The following DGAT2 variants were observed in gnomAD, a reference collection of about 807,000 sequenced individuals.
DGAT2 encodes acyl-CoA retinol O-fatty-acyltransferase.
Under a neutral mutation model 48.4 loss-of-function variants are expected in DGAT2, and 33 were observed. The observed-to-expected ratio is 0.68, with a 90% confidence interval of 0.52 to 0.91. The LOEUF (loss-of-function observed/expected upper bound fraction) is 0.91. Among genes scored for constraint, DGAT2 ranks in the 40% least tolerant of loss-of-function variants. DGAT2 has a pLI of 0.00. For synonymous variants in DGAT2, 191 were observed against 194.1 expected, an observed-to-expected ratio of 0.98 and a Z score of 0.13; for missense variants, 446 against 493.7, an observed-to-expected ratio of 0.90 and a Z score of 0.92.
In DGAT2 at chr11:75,800,985, C is replaced by T. The variant is rs767153367; in HGVS notation, c.*477C>T. On this transcript the variant is annotated 3_prime_UTR_variant, in exon 8 of 8. Transcript: ENST00000228027. ...GAGGAGTTGGAGAGCACAGTTGCCC[C>T]GTTGTGTGAGGGCAGTAGTAGGCAT... is the stretch of plus-strand genomic sequence containing the variant. The T allele has an allele frequency of 5.4e-5, 9 of 166,002 alleles. No homozygotes were observed. The highest frequency in any genetic ancestry group is 1.2e-4 in the Admixed American group (2 of 16,350). The allele number at this position is 166,002 out of a possible 1,614,324, so 10.3% of individuals were successfully genotyped here.
chr11:75,789,635 G>C (rs771033185), intron 2 of DGAT2, among the ~76,000 whole-genome samples: 7 of 152,234 alleles, frequency 4.6e-5, no homozygotes, highest in Non-Finnish European at 1.0e-4. Context: ...GGACTGTAGA[G>C]TCAGACCTGT....
chr11:75,781,942 CTT>C (rs1257270180), intron 1 of DGAT2, among the ~76,000 whole-genome samples: 1 of 152,156 alleles, frequency 6.6e-6, no homozygotes, highest in Non-Finnish European at 1.5e-5. Context: ...ATTTTTAGGT[CTT>C]CTCAGTTGTT....
intron 1 of DGAT2, among the ~76,000 whole-genome samples, chr11:75,772,891 G>A (rs2135756837): frequency 6.6e-6 from 1 of 152,326 alleles, no homozygotes; most frequent in South Asian, 2.1e-4. Flanking sequence ...TTGGGAGGCT[G>A]AGGCAGGATA....
Position 75,798,218 on chromosome 11 carries a change from C to A in DGAT2, c.810-9C>A, listed in dbSNP as rs1945076314. 6.2e-7 allele frequency: 1 copy of A among 1,614,050 alleles called. No homozygotes were observed. Among genetic ancestry groups the A allele is most frequent in the South Asian group, 1.1e-5 (1 of 91,070 alleles). On this transcript the variant is annotated splice_polypyrimidine_tract_variant and intron_variant, in intron 6 of 7. Transcript: ENST00000228027. ...TAGGGTATGACAGACCCTGGCCTCT[C>A]CCTTCCAGAGCTGACCTGGTTCCCA...
intron 4 of DGAT2, chr11:75,795,884 A>G: frequency 5.9e-6 from 1 of 168,476 alleles, no homozygotes; most frequent in South Asian, 1.5e-4. Context: ...CTTGCAGCCA[A>G]GGCCCCGGTT....
chr11:75,779,470 C>A (rs540927686), intron 1 of DGAT2, among the ~76,000 whole-genome samples: 1 of 152,224 alleles, frequency 6.6e-6, no homozygotes, highest in East Asian at 1.9e-4. Flanking sequence ...CAGTTTCCTT[C>A]TCTGTGAAAC....
At chr11:75,786,935 A>G (rs1475228955) in intron 2 of DGAT2, among the ~76,000 whole-genome samples, 2 of 152,262 alleles carry the variant, frequency 1.3e-5, no homozygotes, top group African/African-American at 2.4e-5. Flanking sequence ...ATAATAAAAT[A>G]TAAATATCTA....
chr11:75,791,478 G>A (rs1244694416), intron 4 of DGAT2, among the ~76,000 whole-genome samples: 2 of 152,178 alleles, frequency 1.3e-5, no homozygotes, highest in Non-Finnish European at 2.9e-5. Context: ...TTTTTGTTGG[G>A]AGAAAGTTGC....
Position 75,797,270 on chromosome 11 carries a change from T to C in DGAT2, c.747T>C (p.Pro249=). 1 of 1,576,302 alleles carries C rather than the reference T, an allele frequency of 6.3e-7. No homozygotes were observed. The highest frequency in any genetic ancestry group is 8.6e-7 in the Non-Finnish European group (1 of 1,161,494). ...GGAAESLSSM[P]GKNAVTLRNR... ...CGGCTGAGTCTCTGAGCTCCATGCC[T>C]GGCAAGAATGCAGTCACCCTGCGGA... Residue 249 remains proline, a synonymous_variant, in exon 6 of 8, where the codon CCT becomes CCC. Transcript: ENST00000228027.
rs556617929 is a variant in DGAT2 at position 75,796,268 on chromosome 11, G to A, written c.430-60G>A. 46 of 1,478,914 alleles carry A rather than the reference G, an allele frequency of 3.1e-5. 2 individuals carry two copies. The South Asian group carries it at 4.1e-4, about 13-fold the overall frequency. 91.6% of individuals were successfully genotyped at this position (1,478,914 alleles called of 1,614,324 possible). ...CACATCCAATCCCTCCCTACCCTCC[G>A]GGTATGCCCCGGTATCCCTCTCCCA... On this transcript the variant is annotated intron_variant, in intron 4 of 7. Coordinates refer to ENST00000228027, the MANE Select transcript of DGAT2 (RefSeq NM_032564.5).
chr11:75,783,066 C>T (rs945279729), intron 1 of DGAT2, among the ~76,000 whole-genome samples: 4 of 152,206 alleles, frequency 2.6e-5, no homozygotes, highest in Admixed American at 2.6e-4. Flanking sequence ...TCTGGAATGG[C>T]TCTATGGCCC....
At chr11:75,797,014 C>T (rs1292950320) in intron 5 of DGAT2, 144 bp from the exon 6 acceptor site, 2 of 750,234 alleles carry the variant, frequency 2.7e-6, no homozygotes, top group African/African-American at 1.8e-5. Flanking sequence ...GAATAGCTTA[C>T]ACAGAACCAG....
intron 4 of DGAT2, among the ~76,000 whole-genome samples, chr11:75,791,370 C>G (rs1348084017): frequency 2.0e-5 from 3 of 152,226 alleles, no homozygotes; most frequent in Non-Finnish European, 4.4e-5. Context: ...CATCCTTAGC[C>G]TAAGCCCAGT....
intron 4 of DGAT2, chr11:75,792,575 C>T (rs1356008492): frequency 6.6e-6 from 1 of 152,182 alleles, no homozygotes; most frequent in African/African-American, 2.4e-5. Flanking sequence ...TACTCCCTTC[C>T]TGGTGGGACT....
rs1385361635 is a variant in DGAT2 at position 75,801,498 on chromosome 11, G to A, written c.*990G>A. 6.6e-6 allele frequency: 1 copy of A among 152,628 alleles called. No individual in the cohort carries two copies. The highest frequency in any genetic ancestry group is 1.5e-5 in the Non-Finnish European group (1 of 68,042). The allele number at this position is 152,628 out of a possible 1,614,324, so 9.5% of individuals were successfully genotyped here. ...GATCATTGCACCATGTCAGACTTTT[G>A]TATATGCCTTGAAAATAAATGAAAG... On this transcript the variant is annotated 3_prime_UTR_variant, in exon 8 of 8. Transcript: ENST00000228027.
At chr11:75,785,004 G>C (rs1944907060) in intron 2 of DGAT2, among the ~76,000 whole-genome samples, 2 of 152,142 alleles carry the variant, frequency 1.3e-5, no homozygotes, top group Non-Finnish European at 2.9e-5. Flanking sequence ...TCAAGTCTTA[G>C]AGAAGATAGG....
intron 4 of DGAT2, chr11:75,795,925 A>C (rs1229512124): frequency 5.6e-6 from 1 of 179,270 alleles, no homozygotes; most frequent in East Asian, 1.5e-4. Flanking sequence ...CTTTACTCAC[A>C]TGAAGCCAGA....
intron 2 of DGAT2, among the ~76,000 whole-genome samples, chr11:75,785,534 G>T (rs61898006): frequency 6.6e-6 from 1 of 152,272 alleles, no homozygotes; most frequent in Admixed American, 6.5e-5. Flanking sequence ...CAGGCCAGGG[G>T]CAGGACAACA....
intron 4 of DGAT2, chr11:75,795,212 T>G (rs1945037811): frequency 1.3e-5 from 2 of 152,104 alleles, no homozygotes; most frequent in South Asian, 2.1e-4. Context: ...TTTGTAGAGA[T>G]AAGCGTTTCA....
Sources: allele counts gnomAD v4.1 joint callset (sites outside exome capture counted in the v4.1 genomes callset), GRCh38; gene constraint gnomAD v4.1.1; transcripts MANE v1.5; gene names NCBI Gene and HGNC (gene_info 2026-07-23, HGNC 2026-07-21).